DOCK11: variants seen among roughly 807,000 people sequenced by gnomAD.
The protein encoded by DOCK11 is dedicator of cytokinesis protein 11.
A neutral mutation model predicts 169.1 loss-of-function variants in DOCK11; 70 were observed. The observed-to-expected ratio is 0.41, with a 90% CI of 0.34 to 0.51. DOCK11 has a LOEUF of 0.51. Among genes scored for constraint, DOCK11 ranks in the 20% least tolerant of loss-of-function variants. The probability of loss-of-function intolerance (pLI) is 0.10; values close to 1 mark genes in which losing one functional copy is unlikely to be tolerated. For synonymous variants in DOCK11, 529 were observed against 541.3 expected (o/e 0.98, Z 0.32); for missense variants, 1,166 against 1,538.8 (o/e 0.76, Z 4.05).
chrX:118,638,080 A>C lies in DOCK11; in HGVS notation c.3954A>C (p.Glu1318Asp). 1 of 1,200,368 alleles carries C rather than the reference A, an allele frequency of 8.3e-7. No individual in the cohort carries two copies. Among genetic ancestry groups the C allele is most frequent in the Non-Finnish European group, 1.1e-6 (1 of 886,098 alleles). ...QELINILILL[E>D]VCLFHFRYMG... is the part of the protein sequence containing the mutation. ...AACATGCTATTGTTTTTCTTTCTAG[A>C]GTATGCTTGTTTCACTTTAGATATA... is the stretch of plus-strand genomic sequence containing the variant. Residue 1318 changes from glutamate (E) to aspartate (D), a missense_variant and splice_region_variant, in exon 37 of 53, where the codon GAA (glutamate) becomes GAC (aspartate). Physicochemically the swap from Glu to Asp is conservative, Grantham distance 45 (BLOSUM62 2). Transcript: ENST00000276202.
intron 1 of DOCK11, among the ~76,000 whole-genome samples, chrX:118,512,389 G>A (rs1455161468): frequency 8.9e-6 from 1 of 111,789 alleles, no homozygotes; most frequent in Admixed American, 9.6e-5. Flanking sequence ...AATGAGTGCA[G>A]CCGTATATTT....
Position 118,654,868 on chromosome X carries a change from T to A in DOCK11, c.4912-36T>A, listed in dbSNP as rs756169957. On this transcript the variant is annotated intron_variant, in intron 43 of 52. Transcript: ENST00000276202. ...ACAGCCCTTCAAAACACCTTGAGCA[T>A]GTTCTGACAGTTCTTTCTCTGTCAT... The A allele has an allele frequency of 1.2e-5, 15 of 1,206,543 alleles. No homozygotes were observed. The East Asian group carries it at 4.1e-4, about 33-fold the overall frequency.
At chrX:118,585,447 T>G (rs2013787855) in intron 16 of DOCK11, among the ~76,000 whole-genome samples, 1 of 104,913 alleles carries the variant, frequency 9.5e-6, no homozygotes. Flanking sequence ...CAACTTCTCC[T>G]CTGTCATCAC....
At chrX:118,605,604 C>G (rs1294809364) in intron 24 of DOCK11, among the ~76,000 whole-genome samples, 1 of 111,904 alleles carries the variant, frequency 8.9e-6, no homozygotes, top group Admixed American at 9.5e-5. Flanking sequence ...TGATTGATTT[C>G]TAGTTTCATT....
At chrX:118,496,392 C>G (rs1190609525) in intron 1 of DOCK11, among the ~76,000 whole-genome samples, 1 of 112,262 alleles carries the variant, frequency 8.9e-6, no homozygotes, top group African/African-American at 3.2e-5. Flanking sequence ...AGCTAAAGAG[C>G]TGACCTCGCG....
chrX:118,499,279 G>A (rs1035284280), intron 1 of DOCK11, among the ~76,000 whole-genome samples: 2 of 112,031 alleles, frequency 1.8e-5, no homozygotes, highest in Admixed American at 9.5e-5. Context: ...CACTTTATCA[G>A]CCTGGAAGAG....
At chrX:118,641,359 A>G (rs1162870512) in intron 39 of DOCK11, 54 bp downstream of exon 39, 1 of 884,950 alleles carries the variant, frequency 1.1e-6, no homozygotes, top group East Asian at 3.2e-5. Context: ...AACATTATGC[A>G]GAAATTACCT....
intron 40 of DOCK11, among the ~76,000 whole-genome samples, chrX:118,647,965 T>G (rs1360520365): frequency 2.1e-5 from 1 of 46,941 alleles, no homozygotes; most frequent in African/African-American, 8.8e-5. Context: ...ATATATAATA[T>G]ATAATTATAT....
Position 118,584,658 on chromosome X carries a change from C to T in DOCK11, c.1596-77C>T, listed in dbSNP as rs186777190. ...AAAGTGGTTTCACCATTTTACATCC[C>T]GACCATTGCTAATTTTATCTTAATT... On this transcript the variant is annotated intron_variant, in intron 14 of 52. Transcript: ENST00000276202. The T allele has an allele frequency of 1.3e-4, 130 of 966,675 alleles. No homozygotes were observed. In the African/African-American group the frequency reaches 1.8e-3, roughly 13 times the overall value. 79.7% of individuals were successfully genotyped at this position (966,675 alleles called of 1,213,427 possible).
intron 23 of DOCK11, among the ~76,000 whole-genome samples, chrX:118,601,926 C>T (rs1603107109): frequency 9.3e-6 from 1 of 107,473 alleles, no homozygotes; most frequent in Non-Finnish European, 1.9e-5. Context: ...TACAGGCGCC[C>T]GCCACCATGC....
Position 118,543,581 on chromosome X carries a change from G to T in DOCK11, c.380G>T (p.Arg127Leu). Residue 127 changes from arginine (R) to leucine (L), a missense_variant, in exon 4 of 53, where the codon CGA becomes CTA. Coordinates refer to ENST00000276202, the MANE Select transcript of DOCK11 (RefSeq NM_144658.4). ...YKYEDFSGDFRMLPCKSLRPE... is the reference protein window; with the variant it reads ...YKYEDFSGDFLMLPCKSLRPE... ...TATGAGGACTTCTCTGGGGACTTTC[G>T]AATGTTGCCATGGTAAGTTTAGCAT... is the stretch of plus-strand genomic sequence containing the variant. 1 of 1,203,056 alleles carries T rather than the reference G, an allele frequency of 8.3e-7. No homozygotes were observed. The highest frequency in any genetic ancestry group is 1.1e-6 in the Non-Finnish European group (1 of 887,598).
At chrX:118,658,947 A>C (rs148179857) in intron 44 of DOCK11, among the ~76,000 whole-genome samples, 6,114 of 111,543 alleles carry the variant, frequency 0.055, 186 homozygotes, top group Non-Finnish European at 0.083. Flanking sequence ...ACCCAGAAAA[A>C]GGAATTTCCT....
At chrX:118,595,037 G>A (rs1184629153) in intron 20 of DOCK11, among the ~76,000 whole-genome samples, 1 of 111,316 alleles carries the variant, frequency 9.0e-6, no homozygotes, top group Non-Finnish European at 1.9e-5. Flanking sequence ...TGAATACCAG[G>A]CTATAGATTT....
Position 118,649,037 on chromosome X carries a change from C to T in DOCK11, c.4491C>T (p.Thr1497=), listed in dbSNP as rs765877567. Reference sequence around the variant, plus strand: ...GCTGCACATCGAAGATTAGCTCAACCAGGAATGAAGCATCTGCACTTTTGT... The same window carrying T: ...GCTGCACATCGAAGATTAGCTCAACTAGGAATGAAGCATCTGCACTTTTGT... ...LKCCTSKISS[T]RNEASALLYL... is the part of the protein sequence containing the mutation. The change falls in exon 41 of 53, where the codon ACC becomes ACT. Residue 1497 remains threonine, a synonymous_variant. Coordinates refer to ENST00000276202, the MANE Select transcript of DOCK11 (RefSeq NM_144658.4). 8.3e-7 allele frequency: 1 copy of T among 1,208,521 alleles called. No homozygotes were observed. Among genetic ancestry groups the T allele is most frequent in the Non-Finnish European group, 1.1e-6 (1 of 893,516 alleles).
chrX:118,649,021 C>T lies in DOCK11; in HGVS notation c.4475C>T (p.Ser1492Leu), dbSNP rs201887062. Residue 1492 changes from serine to leucine, a missense_variant, in exon 41 of 53, where the codon TCG (serine) becomes TTG (leucine). By Grantham distance (145) the Ser-to-Leu change is moderately radical. Coordinates refer to ENST00000276202, the MANE Select transcript of DOCK11 (RefSeq NM_144658.4). The part of the protein sequence containing the change: ...FCYEVLKCCT[S>L]KISSTRNEAS... Reference sequence around the variant, plus strand: ...TATGAGGTTTTAAAGTGCTGCACATCGAAGATTAGCTCAACCAGGAATGAA... The same window carrying T: ...TATGAGGTTTTAAAGTGCTGCACATTGAAGATTAGCTCAACCAGGAATGAA... The T allele has an allele frequency of 5.0e-6, 6 of 1,206,112 alleles. No individual in the cohort carries two copies. In the South Asian group the frequency reaches 5.3e-5, roughly 11 times the overall value.
At position 118,597,415 on chromosome X, in the gene DOCK11, G is replaced by T; in HGVS notation, c.2264-16G>T. On this transcript the variant is annotated splice_polypyrimidine_tract_variant and intron_variant, in intron 20 of 52. Transcript: ENST00000276202. ...TTTGATATTTCATTTCTCACAGTTT[G>T]TTATTATCTTGGCAGTTGGGTTTGC... is the stretch of plus-strand genomic sequence containing the variant. 1 of 1,210,078 alleles carries T rather than the reference G, an allele frequency of 8.3e-7. No homozygotes were observed. The highest frequency in any genetic ancestry group is 1.1e-6 in the Non-Finnish European group (1 of 894,909).
intron 14 of DOCK11, among the ~76,000 whole-genome samples, chrX:118,583,261 C>T (rs768276265): frequency 9.1e-6 from 1 of 110,471 alleles, no homozygotes; most frequent in South Asian, 3.9e-4. Context: ...GGGAACATCA[C>T]ACACCGGAGC....
chrX:118,515,391 G>A (rs759063995), intron 1 of DOCK11, among the ~76,000 whole-genome samples: 1 of 111,144 alleles, frequency 9.0e-6, no homozygotes, highest in African/African-American at 3.3e-5. Flanking sequence ...GCACCACCAT[G>A]CCTGGCTAAT....
chrX:118,638,183 A>G (rs1603144513), intron 37 of DOCK11, 56 bp downstream of exon 37: 1 of 1,090,848 alleles, frequency 9.2e-7, no homozygotes, highest in East Asian at 3.0e-5. Flanking sequence ...ACAGAGGGCA[A>G]TCTTAGTCAT....
Sources: gnomAD v4.1 joint callset for allele counts (sites outside exome capture counted in the v4.1 genomes callset) on GRCh38, gnomAD v4.1.1 for gene constraint, MANE v1.5 for transcripts, NCBI Gene and HGNC (gene_info 2026-07-23, HGNC 2026-07-21) for gene names.